CDH6: variants seen among roughly 807,000 people sequenced by gnomAD.
CDH6 encodes the protein cadherin-6.
In CDH6, 31 loss-of-function variants were observed where a neutral mutation model predicts 78.0. The ratio of observed to expected loss-of-function variants is 0.40; its 90% CI spans 0.30 to 0.54. The LOEUF (loss-of-function observed/expected upper bound fraction) is 0.54. Among genes scored for constraint, CDH6 ranks in the 20% least tolerant of loss-of-function variants. The pLI is 0.56. For missense variants in CDH6, 724 were observed against 975.9 expected (o/e 0.74, Z 3.44); for synonymous variants, 376 against 368.8 (o/e 1.02, Z -0.23).
rs1303503328 is a variant in CDH6, at chr5:31,305,398, A to G, written c.1224A>G (p.Gln408=). ...CCACAATAGGCTCCGTCACAGCCCA[A>G]GATCCAGATGCTGCCAGGAATCCTG... is the stretch of plus-strand genomic sequence containing the variant. ...INTTIGSVTA[Q]DPDAARNPVK... is the part of the protein sequence containing the mutation. The change falls in exon 7 of 12, where the codon CAA becomes CAG. Residue 408 remains glutamine (Q), a synonymous_variant. Coordinates refer to ENST00000265071, the MANE Select transcript of CDH6 (RefSeq NM_004932.4). The G allele has an allele frequency of 6.2e-7, 1 of 1,613,930 alleles. No homozygotes were observed. Among genetic ancestry groups the G allele is most frequent in the Non-Finnish European group, 8.5e-7 (1 of 1,179,936 alleles).
chr5:31,291,152 G>C (rs1462297034), intron 2 of CDH6, among the ~76,000 whole-genome samples: 1 of 152,200 alleles, frequency 6.6e-6, no homozygotes, highest in African/African-American at 2.4e-5. Flanking sequence ...GTGGAATGCA[G>C]AGTATAATAA....
Position 31,294,863 on chromosome 5 carries a change from A to T in CDH6, c.523+607A>T. ...AATACCTCTACTTTTTTAAATAACT[A>T]GTGGATTTAATTTGTTTAAATTGAG... On this transcript the variant is annotated intron_variant, in intron 3 of 11. Transcript: ENST00000265071. This position sits in a 1 kb window ranked among gnomAD's most constrained non-coding sequence, Gnocchi z 4.1. Among the ~76,000 whole-genome samples, 1 of 152,210 alleles carries T rather than the reference A, an allele frequency of 6.6e-6. No homozygotes were observed. Among genetic ancestry groups the T allele is most frequent in the East Asian group, 1.9e-4 (1 of 5,196 alleles).
intron 1 of CDH6, among the ~76,000 whole-genome samples, chr5:31,236,410 T>C (rs1455809114): frequency 6.6e-6 from 1 of 152,150 alleles, no homozygotes; most frequent in African/African-American, 2.4e-5. Flanking sequence ...GTCCTCTAAT[T>C]GAGAAGGGGT....
chr5:31,291,942 G>C (rs1743177914), intron 2 of CDH6, among the ~76,000 whole-genome samples: 1 of 152,098 alleles, frequency 6.6e-6, no homozygotes, highest in Non-Finnish European at 1.5e-5. Flanking sequence ...CTAATTATAT[G>C]AATAATATTC....
intron 1 of CDH6, among the ~76,000 whole-genome samples, chr5:31,243,127 ACT>A (rs1424761994): frequency 6.6e-6 from 1 of 151,780 alleles, no homozygotes; most frequent in African/African-American, 2.4e-5. Context: ...ATACCCTTAG[ACT>A]CTCCTTCTTC....
intron 1 of CDH6, among the ~76,000 whole-genome samples, chr5:31,204,793 T>G (rs946604682): frequency 3.9e-5 from 6 of 152,164 alleles, no homozygotes; most frequent in Non-Finnish European, 5.9e-5. Context: ...GTAAAAGACT[T>G]TAAAGCGAGA....
At chr5:31,245,179 T>A (rs1326755618) in intron 1 of CDH6, among the ~76,000 whole-genome samples, 1 of 152,204 alleles carries the variant, frequency 6.6e-6, no homozygotes, top group African/African-American at 2.4e-5. Context: ...ACTGCATGTA[T>A]ATGACACAGT....
intron 1 of CDH6, among the ~76,000 whole-genome samples, chr5:31,216,901 A>G (rs1193522626): frequency 1.3e-5 from 2 of 152,112 alleles, no homozygotes; most frequent in East Asian, 3.9e-4. Context: ...TAAGTTGCAT[A>G]AGAGATGAGG....
At chr5:31,302,976 G>GA (rs1270409657) in intron 6 of CDH6, among the ~76,000 whole-genome samples, 5 of 144,902 alleles carry the variant, frequency 3.5e-5, no homozygotes, top group African/African-American at 1.0e-4. Context: ...AAGAAAGAAA[G>GA]AAAGAAAGAA....
At chr5:31,252,439 A>G (rs1741935866) in intron 1 of CDH6, among the ~76,000 whole-genome samples, 1 of 152,136 alleles carries the variant, frequency 6.6e-6, no homozygotes, top group Non-Finnish European at 1.5e-5. Flanking sequence ...AGTCCATTAA[A>G]CAATTGCTAA....
chr5:31,308,914 G>A (rs1376477761), intron 7 of CDH6, among the ~76,000 whole-genome samples: 2 of 151,942 alleles, frequency 1.3e-5, no homozygotes, highest in African/African-American at 4.8e-5. Context: ...TTTTCCATGA[G>A]AAAAAATATA....
intron 1 of CDH6, among the ~76,000 whole-genome samples, chr5:31,216,357 G>A (rs1740862986): frequency 1.3e-5 from 2 of 151,932 alleles, no homozygotes; most frequent in Admixed American, 1.3e-4. Flanking sequence ...GTGGCCTGCA[G>A]GCTGAAAATG....
chr5:31,321,374 A>G (rs1457778857), intron 11 of CDH6, among the ~76,000 whole-genome samples: 1 of 152,230 alleles, frequency 6.6e-6, no homozygotes, highest in Non-Finnish European at 1.5e-5. Context: ...TCTATACTCC[A>G]AATCTGCTTC....
At chr5:31,231,238 C>T (rs576418135) in intron 1 of CDH6, among the ~76,000 whole-genome samples, 5 of 152,212 alleles carry the variant, frequency 3.3e-5, no homozygotes, top group South Asian at 2.1e-4. Flanking sequence ...CAAATCATTG[C>T]GTATCTCCAT....
chr5:31,283,529 T>G (rs1742919718), intron 2 of CDH6, among the ~76,000 whole-genome samples: 1 of 152,154 alleles, frequency 6.6e-6, no homozygotes, highest in Non-Finnish European at 1.5e-5. Context: ...TTGTGACCAG[T>G]TCAGGTCATG....
At position 31,328,488 on chromosome 5, in the gene CDH6, G is replaced by A. The variant is rs1262531318; in HGVS notation, c.*5180G>A. ...AACTGACCTGCTCGGAAGAAACGTA[G>A]GAACGCTTCAAACCCACTGTAATGT... On this transcript the variant is annotated 3_prime_UTR_variant, in exon 12 of 12. Coordinates refer to ENST00000265071, the MANE Select transcript of CDH6 (RefSeq NM_004932.4). 1.4e-5 allele frequency: 3 copies of A among 207,520 alleles called. No individual in the cohort carries two copies. The highest frequency in any genetic ancestry group is 4.6e-5 in the African/African-American group (2 of 43,840). The allele number at this position is 207,520 out of a possible 1,614,324, so 12.9% of individuals were successfully genotyped here. A position where few individuals can be genotyped will look rare whatever the true frequency, so the allele number is the denominator to read the frequency against.
chr5:31,287,742 A>G (rs1743047819), intron 2 of CDH6, among the ~76,000 whole-genome samples: 1 of 152,206 alleles, frequency 6.6e-6, no homozygotes, highest in Non-Finnish European at 1.5e-5. Context: ...AAAACACAGC[A>G]CTGGTGGGCA....
At chr5:31,321,151 T>C (rs1185317325) in intron 11 of CDH6, among the ~76,000 whole-genome samples, 1 of 151,516 alleles carries the variant, frequency 6.6e-6, no homozygotes, top group African/African-American at 2.4e-5. Flanking sequence ...TCCATCCAAC[T>C]GTCCCCCACC....
At chr5:31,254,144 A>C (rs1741986624) in intron 1 of CDH6, among the ~76,000 whole-genome samples, 1 of 152,172 alleles carries the variant, frequency 6.6e-6, no homozygotes, top group South Asian at 2.1e-4. Flanking sequence ...TACACGACCC[A>C]CCTGTTAGTC....
Sources: gnomAD v4.1 joint callset for allele counts (sites outside exome capture counted in the v4.1 genomes callset) on GRCh38, gnomAD v4.1.1 for gene constraint, Gnocchi (gnomAD v3.1) non-coding constraint, MANE v1.5 for transcripts, NCBI Gene and HGNC (gene_info 2026-07-23, HGNC 2026-07-21) for gene names.